Variants in MAP2 observed in about 807,000 individuals in gnomAD.
MAP2 encodes the protein microtubule associated protein 2, also known as microtubule-associated protein 2.
In MAP2, 14 loss-of-function variants were observed where a neutral mutation model predicts 137.6. That is an observed-to-expected ratio of 0.10 (90% CI 0.07 to 0.16). The LOEUF is 0.16. Ranked by LOEUF, MAP2 falls within the 10% of genes least tolerant of loss-of-function variation. MAP2 has a pLI of 1.00. For synonymous variants in MAP2, 786 were observed against 782.3 expected, an observed-to-expected ratio of 1.00 and a Z score of -0.08; for missense variants, 2,088 against 2,191.5, an observed-to-expected ratio of 0.95 and a Z score of 0.94.
In MAP2 at chr2:209,655,688, G is replaced by T. The variant is rs546727141; in HGVS notation, c.262+2256G>T. ...TGATGGAGACTATAGATATGAGCTG[G>T]CGTAATATTTTGATGTGATTATTTT... On this transcript the variant is annotated intron_variant, in intron 5 of 15. Coordinates refer to ENST00000682079, the MANE Select transcript of MAP2 (RefSeq NM_001375505.1). Among the ~76,000 whole-genome samples, 6 of 152,246 alleles carry T rather than the reference G, an allele frequency of 3.9e-5. No individual in the cohort carries two copies. The South Asian group carries it at 1.2e-3, about 32-fold the overall frequency.
chr2:209,502,297 A>G (rs924750071), intron 1 of MAP2, among the ~76,000 whole-genome samples: 3 of 152,110 alleles, frequency 2.0e-5, no homozygotes, highest in African/African-American at 4.8e-5. Context: ...CTCCGCTTCT[A>G]TGAGTTCAGC....
Position 209,693,808 on chromosome 2 carries a change from G to C in MAP2, c.1638G>C (p.Lys546Asn). 6.2e-7 allele frequency: 1 copy of C among 1,614,060 alleles called. No homozygotes were observed. The highest frequency in any genetic ancestry group is 8.5e-7 in the Non-Finnish European group (1 of 1,179,990). Residue 546 changes from lysine (K) to asparagine (N), a missense_variant, in exon 8 of 16, where the codon AAG becomes AAC. Coordinates refer to ENST00000682079, the MANE Select transcript of MAP2 (RefSeq NM_001375505.1). ...AAATGAGAGTTGATGACAAAGATAA[G>C]ATTGAAGGAGTTGGAGCTGCAACAT... ...LFEMRVDDKD[K>N]IEGVGAATSA...
At chr2:209,680,867 A>C in intron 7 of MAP2, 40 bp downstream of exon 7, 3 of 1,542,236 alleles carry the variant, frequency 1.9e-6, no homozygotes, top group Non-Finnish European at 2.7e-6. Flanking sequence ...TCTTCTGTTA[A>C]AGTGTGAACA....
At position 209,705,722 on chromosome 2, in the gene MAP2, C is replaced by T. The variant is rs555179334; in HGVS notation, c.4727C>T (p.Thr1576Ile). 2 of 1,611,902 alleles carry T rather than the reference C, an allele frequency of 1.2e-6. No individual in the cohort carries two copies. Among genetic ancestry groups the T allele is most frequent in the South Asian group, 1.1e-5 (1 of 90,918 alleles). ...TCTATCTCTTCTTCAGCACGGCGGA[C>T]CACCAGTAGGTTTATTTTGATTTGA... The part of the protein sequence containing the change: ...NSSISSSARR[T>I]TRSEPIRRAG... The change falls in exon 12 of 16, where the codon ACC becomes ATC. Residue 1576 changes from threonine (T) to isoleucine (I), a missense_variant. Transcript: ENST00000682079.
chr2:209,436,570 A>G (rs1423021055), intron 1 of MAP2, among the ~76,000 whole-genome samples: 2 of 151,892 alleles, frequency 1.3e-5, no homozygotes, highest in African/African-American at 4.8e-5. Flanking sequence ...TTGAAATTAT[A>G]AAAACCATAC....
intron 5 of MAP2, among the ~76,000 whole-genome samples, chr2:209,675,791 T>TA (rs1375790373): frequency 6.6e-6 from 1 of 151,670 alleles, no homozygotes; most frequent in African/African-American, 2.4e-5. Flanking sequence ...CTTCCCAATC[T>TA]AAAAAAAGAA....
At chr2:209,452,572 G>T (rs554753025) in intron 1 of MAP2, among the ~76,000 whole-genome samples, 1 of 152,306 alleles carries the variant, frequency 6.6e-6, no homozygotes, top group South Asian at 2.1e-4. Flanking sequence ...CAAACAAAGT[G>T]CATCTTTCGA....
chr2:209,553,382 G>A (rs1307628005), intron 2 of MAP2, among the ~76,000 whole-genome samples: 99 of 152,140 alleles, frequency 6.5e-4, no homozygotes, highest in Non-Finnish European at 1.8e-4. Flanking sequence ...CATTAAAAGA[G>A]ATCCTGGTGT....
intron 1 of MAP2, among the ~76,000 whole-genome samples, chr2:209,457,086 G>A (rs1701710933): frequency 6.6e-6 from 1 of 152,096 alleles, no homozygotes; most frequent in African/African-American, 2.4e-5. Context: ...TATTTAGTTA[G>A]TGTTTTACTG....
chr2:209,666,242 C>G (rs1490186401), intron 5 of MAP2, among the ~76,000 whole-genome samples: 1 of 152,090 alleles, frequency 6.6e-6, no homozygotes, highest in Non-Finnish European at 1.5e-5. Flanking sequence ...ATTGCACTAA[C>G]TTGGTGTAGA....
intron 7 of MAP2, among the ~76,000 whole-genome samples, chr2:209,684,303 TCATCGCGCATCTG>T (rs1426423209): frequency 1.3e-5 from 2 of 152,188 alleles, no homozygotes; most frequent in Non-Finnish European, 2.9e-5. Flanking sequence ...GGTGACCTAA[TCATCGCGCATCTG>T]AAAGTAGTTT....
intron 1 of MAP2, among the ~76,000 whole-genome samples, chr2:209,459,679 T>C (rs1702306651): frequency 6.6e-6 from 1 of 152,198 alleles, no homozygotes; most frequent in Non-Finnish European, 1.5e-5. Flanking sequence ...TTCTACTGCC[T>C]TAGAGAACAA....
intron 12 of MAP2, among the ~76,000 whole-genome samples, chr2:209,707,765 T>C (rs1409360079): frequency 1.3e-5 from 2 of 152,176 alleles, no homozygotes; most frequent in African/African-American, 4.8e-5. Flanking sequence ...AAGGCCTTAA[T>C]ATTTGTAGTT....
chr2:209,692,566 G>T, intron 7 of MAP2, 59 bp from the exon 8 acceptor site: 1 of 1,494,384 alleles, frequency 6.7e-7, no homozygotes. Context: ...ATAATTTTAA[G>T]CTTATTTCCT....
intron 3 of MAP2, among the ~76,000 whole-genome samples, chr2:209,596,945 G>A (rs1260071650): frequency 6.6e-6 from 1 of 152,122 alleles, no homozygotes; most frequent in Non-Finnish European, 1.5e-5. Context: ...TCCTGCTTTT[G>A]GGAGATTCAT....
intron 1 of MAP2, among the ~76,000 whole-genome samples, chr2:209,436,432 A>G (rs771155164): frequency 6.6e-6 from 1 of 151,714 alleles, no homozygotes; most frequent in Non-Finnish European, 1.5e-5. Context: ...AACAATAAGC[A>G]GTTCTTATCA....
intron 2 of MAP2, among the ~76,000 whole-genome samples, chr2:209,512,846 C>T (rs1278468849): frequency 2.0e-5 from 3 of 152,048 alleles, no homozygotes; most frequent in African/African-American, 4.8e-5. Flanking sequence ...GACAGGGTCT[C>T]TCTATGTTGC....
intron 13 of MAP2, chr2:209,723,595 G>A: frequency 6.2e-7 from 1 of 1,600,412 alleles, no homozygotes; most frequent in Non-Finnish European, 8.6e-7. Context: ...TTCCTTTTAG[G>A]TTAGGATTTT....
intron 1 of MAP2, among the ~76,000 whole-genome samples, chr2:209,433,934 C>T (rs578149813): frequency 6.6e-6 from 1 of 152,152 alleles, no homozygotes; most frequent in South Asian, 2.1e-4. Flanking sequence ...TGAATGGGTC[C>T]TTTGGCTATT....
Sources: allele counts gnomAD v4.1 joint callset (sites outside exome capture counted in the v4.1 genomes callset), GRCh38; gene constraint gnomAD v4.1.1; transcripts MANE v1.5; gene names NCBI Gene and HGNC (gene_info 2026-07-23, HGNC 2026-07-21).